Variants in CAST observed in about 807,000 individuals in gnomAD.
CAST encodes calpastatin, also known as MIR583 host.
In CAST, 76 loss-of-function variants were observed where a neutral mutation model predicts 119.6. That is an observed-to-expected ratio of 0.64 (90% CI 0.53 to 0.77). The LOEUF (loss-of-function observed/expected upper bound fraction) is 0.77. Among genes scored for constraint, CAST ranks in the 30% least tolerant of loss-of-function variants. The pLI is 0.00. For synonymous variants in CAST, 319 were observed against 331.6 expected, an observed-to-expected ratio of 0.96 and a Z score of 0.41; for missense variants, 953 against 946.5, an observed-to-expected ratio of 1.01 and a Z score of -0.09.
intron 1 of CAST, among the ~76,000 whole-genome samples, chr5:96,626,050 C>T (rs1747714724): frequency 1.3e-5 from 2 of 152,206 alleles, no homozygotes; most frequent in African/African-American, 4.8e-5. Flanking sequence ...CCTCCCTCTT[C>T]CCCTTTATCC....
the CAST span, among the ~76,000 whole-genome samples, chr5:96,431,469 G>T: frequency 6.6e-6 from 1 of 152,132 alleles, no homozygotes; most frequent in African/African-American, 2.4e-5. Context: ...ATTACAATCA[G>T]TTGCAATCAT....
At chr5:96,154,235 G>A in the CAST span, among the ~76,000 whole-genome samples, 74 of 151,302 alleles carry the variant, frequency 4.9e-4, no homozygotes, top group Non-Finnish European at 8.5e-4. Context: ...CCAAGATAGC[G>A]CCACTGCACT....
chr5:96,400,229 A>T, the CAST span: 1 of 1,416,816 alleles, frequency 7.1e-7, no homozygotes. Flanking sequence ...AGAAAAATGA[A>T]GTTTCCTTGC....
chr5:96,439,702 G>T, the CAST span, among the ~76,000 whole-genome samples: 303 of 152,220 alleles, frequency 2.0e-3, 8 homozygotes, highest in East Asian at 0.046. Flanking sequence ...TCACCTCGGG[G>T]TTGCTTTCTA....
chr5:96,222,017 G>T, the CAST span, among the ~76,000 whole-genome samples: 3 of 151,982 alleles, frequency 2.0e-5, no homozygotes, highest in Non-Finnish European at 4.4e-5. Context: ...GAAAGGACAT[G>T]CTTTTTAATA....
the CAST span, among the ~76,000 whole-genome samples, chr5:96,486,542 T>G: frequency 6.6e-6 from 1 of 152,160 alleles, no homozygotes; most frequent in African/African-American, 2.4e-5. Flanking sequence ...CTTAGAACAC[T>G]AAGGTTTCAT....
the CAST span, among the ~76,000 whole-genome samples, chr5:96,215,857 C>A: frequency 1.3e-5 from 2 of 152,128 alleles, no homozygotes; most frequent in African/African-American, 4.8e-5. Flanking sequence ...ACCCAGTCTG[C>A]AGTGCAGTAG....
At chr5:96,145,705 A>G in the CAST span, among the ~76,000 whole-genome samples, 1 of 152,202 alleles carries the variant, frequency 6.6e-6, no homozygotes. Flanking sequence ...TTGATTCTCT[A>G]TTGCTTTATA....
At chr5:96,215,956 C>T in the CAST span, among the ~76,000 whole-genome samples, 27 of 152,094 alleles carry the variant, frequency 1.8e-4, no homozygotes, top group East Asian at 2.1e-3. Context: ...TACAGGCACA[C>T]GCCACCACAC....
chr5:96,575,296 A>G (rs1431530147), intron 1 of CAST, among the ~76,000 whole-genome samples: 1 of 152,078 alleles, frequency 6.6e-6, no homozygotes, highest in Non-Finnish European at 1.5e-5. Flanking sequence ...TTCTAGAAGT[A>G]CTTTTTGGTA....
chr5:96,303,070 C>T, the CAST span, among the ~76,000 whole-genome samples: 1 of 152,176 alleles, frequency 6.6e-6, no homozygotes, highest in Non-Finnish European at 1.5e-5. Flanking sequence ...GCTTAAGGTT[C>T]CACAGGCTGT....
chr5:96,114,457 C>T, the CAST span, among the ~76,000 whole-genome samples: 1 of 152,126 alleles, frequency 6.6e-6, no homozygotes, highest in African/African-American at 2.4e-5. Flanking sequence ...CTGAGGCTCT[C>T]AAACTTTGGT....
At chr5:96,626,381 C>T (rs901095019) in intron 1 of CAST, among the ~76,000 whole-genome samples, 1 of 152,224 alleles carries the variant, frequency 6.6e-6, no homozygotes, top group South Asian at 2.1e-4. Flanking sequence ...TCCCATCACT[C>T]TTGAAACATC....
At chr5:96,622,820 A>G (rs2150199841) in intron 1 of CAST, among the ~76,000 whole-genome samples, 1 of 148,886 alleles carries the variant, frequency 6.7e-6, no homozygotes, top group Admixed American at 6.6e-5. Flanking sequence ...CTGCATAATG[A>G]AATTAACTTC....
the CAST span, among the ~76,000 whole-genome samples, chr5:96,217,224 A>G: frequency 1.0e-3 from 17 of 16,230 alleles, no homozygotes; most frequent in African/African-American, 3.7e-3. Flanking sequence ...TTTTTTTTAT[A>G]GAGATGAGGT....
chr5:96,111,904 C>T, the CAST span, among the ~76,000 whole-genome samples: 1 of 151,992 alleles, frequency 6.6e-6, no homozygotes, highest in African/African-American at 2.4e-5. Flanking sequence ...ACTTTGGCCT[C>T]CCAAAATGCT....
chr5:96,725,101 G>C (rs1759018997), intron 4 of CAST, among the ~76,000 whole-genome samples: 1 of 152,116 alleles, frequency 6.6e-6, no homozygotes, highest in South Asian at 2.1e-4. Context: ...TGTGAAACTG[G>C]AGGAAAGTAG....
chr5:96,173,744 T>TTTTTC, the CAST span, among the ~76,000 whole-genome samples: 1 of 148,658 alleles, frequency 6.7e-6, no homozygotes, highest in African/African-American at 2.6e-5. Context: ...ATGAACTTTT[T>TTTTTC]TTTTTCTTTT....
chr5:96,711,714 T>C (rs546511520), intron 3 of CAST, among the ~76,000 whole-genome samples: 30 of 152,336 alleles, frequency 2.0e-4, no homozygotes, highest in South Asian at 4.1e-4. Flanking sequence ...CAGTAGTTTG[T>C]ATCTAAGTAG....
Sources: allele counts gnomAD v4.1 joint callset (sites outside exome capture counted in the v4.1 genomes callset), GRCh38; gene constraint gnomAD v4.1.1; transcripts MANE v1.5; gene names NCBI Gene and HGNC (gene_info 2026-07-23, HGNC 2026-07-21).